The following RNF130 variants were observed in gnomAD, a reference collection of about 807,000 sequenced individuals.
RNF130 encodes E3 ubiquitin-protein ligase RNF130.
A neutral mutation model predicts 44.6 loss-of-function variants in RNF130; 21 were observed. The ratio of observed to expected loss-of-function variants is 0.47; its 90% CI spans 0.33 to 0.68. RNF130 has a LOEUF of 0.68. Among genes scored for constraint, RNF130 ranks in the 30% least tolerant of loss-of-function variants. The probability of loss-of-function intolerance (pLI) is 0.02; values close to 1 mark genes in which losing one functional copy is unlikely to be tolerated. For synonymous variants in RNF130, 214 were observed against 210.4 expected (o/e 1.02, Z -0.15); for missense variants, 479 against 560.6 (o/e 0.85, Z 1.47).
At chr5:179,983,518 C>T (rs539060772) in intron 3 of RNF130, among the ~76,000 whole-genome samples, 12 of 152,312 alleles carry the variant, frequency 7.9e-5, no homozygotes, top group African/African-American at 2.6e-4. Context: ...TAAGGAAATA[C>T]AATCCTGTCC....
chr5:179,992,452 G>C (rs1303109332), intron 3 of RNF130, among the ~76,000 whole-genome samples: 1 of 152,184 alleles, frequency 6.6e-6, no homozygotes, highest in East Asian at 1.9e-4. Flanking sequence ...CTAAATCATT[G>C]TTAAAGCTTT....
chr5:179,916,359 G>A (rs1761544727), exon 8 of RNF130: 1 of 152,186 alleles, frequency 6.6e-6, no homozygotes, highest in South Asian at 2.1e-4. Flanking sequence ...GGGTGACAGA[G>A]CGAGATCCTG....
chr5:179,975,050 C>A (rs1762686754), intron 5 of RNF130, among the ~76,000 whole-genome samples: 1 of 152,368 alleles, frequency 6.6e-6, no homozygotes, highest in East Asian at 1.9e-4. Context: ...GGAGCGCCAG[C>A]CAGGCGGGGA....
chr5:180,052,317 G>A (rs1764704696), intron 1 of RNF130, among the ~76,000 whole-genome samples: 2 of 152,154 alleles, frequency 1.3e-5, no homozygotes, highest in South Asian at 4.1e-4. Flanking sequence ...CCTCTCACAT[G>A]TGACGTCTTT....
At chr5:179,932,858 T>C (rs973724811) in intron 7 of RNF130, among the ~76,000 whole-genome samples, 2 of 151,998 alleles carry the variant, frequency 1.3e-5, no homozygotes, top group Admixed American at 1.3e-4. Context: ...AAAATTTACA[T>C]CTGTATTCAC....
At chr5:179,922,205 G>A (rs73340208) in intron 7 of RNF130, among the ~76,000 whole-genome samples, 6,559 of 149,772 alleles carry the variant, frequency 0.044, 614 homozygotes, top group African/African-American at 0.16. Flanking sequence ...GACTAGTGAC[G>A]TTGAGCATCT....
chr5:180,003,944 T>C (rs796191775), intron 3 of RNF130, among the ~76,000 whole-genome samples: 7 of 152,368 alleles, frequency 4.6e-5, no homozygotes, highest in African/African-American at 1.7e-4. Context: ...TACCATGTGC[T>C]AGGTACTGTT....
At chr5:179,949,010 G>A (rs1762086417) in intron 7 of RNF130, among the ~76,000 whole-genome samples, 1 of 145,464 alleles carries the variant, frequency 6.9e-6, no homozygotes, top group Non-Finnish European at 1.5e-5. Flanking sequence ...CTGTCACCCA[G>A]GCTGGAATGC....
At chr5:179,997,262 C>T (rs1256712503) in intron 3 of RNF130, among the ~76,000 whole-genome samples, 4 of 152,124 alleles carry the variant, frequency 2.6e-5, no homozygotes, top group African/African-American at 9.7e-5. Context: ...CCATCTCAGC[C>T]TCCTGAGTAG....
chr5:179,956,987 CTTA>C (rs1162516326), intron 8 of RNF130, among the ~76,000 whole-genome samples: 1 of 152,254 alleles, frequency 6.6e-6, no homozygotes, highest in African/African-American at 2.4e-5. Context: ...AGTTCTGTAC[CTTA>C]TTATTTCTTG....
intron 8 of RNF130, among the ~76,000 whole-genome samples, chr5:179,958,569 G>A (rs976219266): frequency 5.9e-5 from 9 of 152,178 alleles, no homozygotes; most frequent in Admixed American, 3.9e-4. Flanking sequence ...ATCTGAGGTC[G>A]GCCTGTGAAC....
At chr5:180,057,536 A>G (rs1007590647) in intron 1 of RNF130, among the ~76,000 whole-genome samples, 1 of 152,022 alleles carries the variant, frequency 6.6e-6, no homozygotes, top group Non-Finnish European at 1.5e-5. Flanking sequence ...TGACAGAGCG[A>G]AACTCAGTCT....
At chr5:180,044,077 C>T (rs1273646708) in intron 1 of RNF130, among the ~76,000 whole-genome samples, 1 of 152,090 alleles carries the variant, frequency 6.6e-6, no homozygotes, top group Non-Finnish European at 1.5e-5. Flanking sequence ...AATTTAATAC[C>T]AGTTGTTTAC....
chr5:180,009,088 T>G (rs1763527162), intron 3 of RNF130, among the ~76,000 whole-genome samples: 1 of 152,120 alleles, frequency 6.6e-6, no homozygotes, highest in Non-Finnish European at 1.5e-5. Context: ...ATTCTTACAT[T>G]AGAAAACAGG....
chr5:180,042,825 C>T (rs1034242851), intron 1 of RNF130, among the ~76,000 whole-genome samples: 17 of 152,178 alleles, frequency 1.1e-4, no homozygotes, highest in African/African-American at 4.1e-4. Flanking sequence ...CCTGTGGTCT[C>T]GCATACATGC....
intron 3 of RNF130, among the ~76,000 whole-genome samples, chr5:179,989,804 T>G (rs1582167796): frequency 6.6e-6 from 1 of 152,334 alleles, no homozygotes; most frequent in East Asian, 1.9e-4. Flanking sequence ...GTTTTATTTT[T>G]TCTTCTGTCT....
intron 3 of RNF130, among the ~76,000 whole-genome samples, chr5:179,997,479 A>T (rs967253978): frequency 2.0e-5 from 3 of 151,948 alleles, no homozygotes; most frequent in Non-Finnish European, 4.4e-5. Flanking sequence ...TCCCACCACC[A>T]CACCCGGCTA....
chr5:180,045,133 T>C (rs1329028168), intron 1 of RNF130, among the ~76,000 whole-genome samples: 2 of 152,100 alleles, frequency 1.3e-5, no homozygotes, highest in Non-Finnish European at 1.5e-5. Context: ...TACAACACTA[T>C]ACAAATTTAA....
At chr5:179,951,386 TTTG>T (rs939088614), downstream of RNF130, among the ~76,000 whole-genome samples, 4 of 95,508 alleles carry the variant, frequency 4.2e-5, no homozygotes, top group African/African-American at 1.4e-4. Context: ...AGAATAGGTT[TTTG>T]TTTTTTTTTT....
Sources: gnomAD v4.1 joint callset for allele counts (sites outside exome capture counted in the v4.1 genomes callset) on GRCh38, gnomAD v4.1.1 for gene constraint, MANE v1.5 for transcripts, NCBI Gene and HGNC (gene_info 2026-07-23, HGNC 2026-07-21) for gene names.